The following PAMR1 variants were observed in gnomAD, a reference collection of about 807,000 sequenced individuals.
The protein encoded by PAMR1 is inactive serine protease PAMR1.
A neutral mutation model predicts 81.8 loss-of-function variants in PAMR1; 88 were observed. The observed-to-expected ratio is 1.08, with a 90% CI of 0.91 to 1.28. The LOEUF is 1.28. Ranked by LOEUF, PAMR1 falls within the 50% of genes most tolerant of loss-of-function variation. The probability of loss-of-function intolerance (pLI) is 0.00; values close to 1 mark genes in which losing one functional copy is unlikely to be tolerated. For missense variants in PAMR1, 935 were observed against 919.7 expected, an observed-to-expected ratio of 1.02 and a Z score of -0.21; for synonymous variants, 336 against 345.3, an observed-to-expected ratio of 0.97 and a Z score of 0.30.
intron 3 of PAMR1, among the ~76,000 whole-genome samples, chr11:35,478,296 A>AGATGCCC (rs1850318910): frequency 6.6e-6 from 1 of 152,154 alleles, no homozygotes; most frequent in Non-Finnish European, 1.5e-5. Context: ...ATCCTCACCC[A>AGATGCCC]GATGCCCGAT....
At chr11:35,503,595 G>A (rs1850895674) in intron 1 of PAMR1, among the ~76,000 whole-genome samples, 1 of 151,842 alleles carries the variant, frequency 6.6e-6, no homozygotes, top group Admixed American at 6.6e-5. Flanking sequence ...TCATTGCTCT[G>A]GTTAAATTGA....
At chr11:35,454,771 T>C (rs948519712) in intron 6 of PAMR1, among the ~76,000 whole-genome samples, 3 of 152,204 alleles carry the variant, frequency 2.0e-5, no homozygotes, top group East Asian at 1.9e-4. Context: ...GGGAGTATGA[T>C]TGGCCAAGCA....
intron 1 of PAMR1, among the ~76,000 whole-genome samples, chr11:35,498,880 C>A (rs557765548): frequency 1.3e-5 from 2 of 152,308 alleles, no homozygotes; most frequent in South Asian, 4.2e-4. Context: ...CGATCCCATC[C>A]GTGGTTATTT....
upstream of PAMR1, among the ~76,000 whole-genome samples, chr11:35,526,557 T>C (rs756725720): frequency 2.0e-5 from 3 of 152,200 alleles, no homozygotes; most frequent in Admixed American, 6.5e-5. Flanking sequence ...TTCCTCACAA[T>C]AAACCTAGCC....
intron 1 of PAMR1, among the ~76,000 whole-genome samples, chr11:35,501,558 AATT>A (rs965104758): frequency 5.4e-5 from 8 of 148,656 alleles, no homozygotes; most frequent in East Asian, 2.2e-4. Flanking sequence ...TTTTTAATTT[AATT>A]ATTATTATTT....
intron 6 of PAMR1, among the ~76,000 whole-genome samples, chr11:35,457,610 T>C (rs924612717): frequency 6.6e-6 from 1 of 152,176 alleles, no homozygotes; most frequent in Non-Finnish European, 1.5e-5. Context: ...AACACCTTCA[T>C]GAGGTGTCTT....
At chr11:35,529,564 G>C (rs544532370), upstream of PAMR1, among the ~76,000 whole-genome samples, 1 of 152,238 alleles carries the variant, frequency 6.6e-6, no homozygotes, top group Non-Finnish European at 1.5e-5. Context: ...CACATATGAT[G>C]GCCTTGGTTT....
Position 35,441,667 on chromosome 11 carries a change from G to T in PAMR1, c.847C>A (p.Pro283Thr), listed in dbSNP as rs779555385. 1.9e-6 allele frequency: 3 copies of T among 1,612,216 alleles called. No homozygotes were observed. The highest frequency in any genetic ancestry group is 1.7e-5 in the Admixed American group (1 of 59,742). Reference protein sequence around the residue: ...NLLEERNCSDPGGPVNGYQKI... With the variant: ...NLLEERNCSDTGGPVNGYQKI... ...TGGTACCCATTGACTGGGCCCCCAGGGTCTGAGCAGTTTCTTTCTTCAAGG... is the reference window on the plus strand; with the variant it reads ...TGGTACCCATTGACTGGGCCCCCAGTGTCTGAGCAGTTTCTTTCTTCAAGG... Residue 283 changes from proline (P) to threonine (T), a missense_variant, in exon 7 of 11, where the codon CCT (proline) becomes ACT (threonine). Transcript: ENST00000619888.
intron 3 of PAMR1, among the ~76,000 whole-genome samples, chr11:35,484,407 C>G (rs12295628): frequency 6.6e-6 from 1 of 152,194 alleles, no homozygotes; most frequent in African/African-American, 2.4e-5. Context: ...AAGTCTGGAG[C>G]GAGATGAGGC....
intron 6 of PAMR1, among the ~76,000 whole-genome samples, chr11:35,457,916 G>A (rs992828848): frequency 1.2e-4 from 19 of 152,086 alleles, no homozygotes; most frequent in Admixed American, 2.0e-4. Flanking sequence ...ATTTGTTGAA[G>A]GATGATGAGA....
chr11:35,483,109 A>G (rs1850431598), intron 3 of PAMR1, among the ~76,000 whole-genome samples: 1 of 152,158 alleles, frequency 6.6e-6, no homozygotes, highest in Admixed American at 6.5e-5. Context: ...CCTCTCCTCT[A>G]TTAGGCTGGT....
In PAMR1 at chr11:35,439,694, C is replaced by G; in HGVS notation, c.1034-1G>C. The G allele has an allele frequency of 2.5e-6, 4 of 1,612,780 alleles. No homozygotes were observed. Among genetic ancestry groups the G allele is most frequent in the Non-Finnish European group, 3.4e-6 (4 of 1,178,822 alleles). On this transcript the variant is annotated splice_acceptor_variant, in intron 7 of 10. Coordinates refer to ENST00000619888, the MANE Select transcript of PAMR1 (RefSeq NM_001001991.3). LOFTEE classifies it high-confidence loss of function. The stretch of plus-strand genomic sequence containing the variant: ...TCTGAAATCTTTGGTTCTCGGCAGG[C>G]TAGAAATAAAAAAGACAATGCTGCA...
At position 35,432,153 on chromosome 11, in the gene PAMR1, G is replaced by A. The variant is rs1158728621; in HGVS notation, c.*203C>T. ...TGCAAGCCCTGGCATCTTCCAATTG[G>A]CTGTCCTAGTAGTGGACGCGGCATC... On this transcript the variant is annotated 3_prime_UTR_variant, in exon 11 of 11. Coordinates refer to ENST00000619888, the MANE Select transcript of PAMR1 (RefSeq NM_001001991.3). 2.8e-5 allele frequency: 16 copies of A among 578,410 alleles called. No individual in the cohort carries two copies. 35.8% of individuals were successfully genotyped at this position (578,410 alleles called of 1,614,324 possible). A position where few individuals can be genotyped will look rare whatever the true frequency, so the allele number is the denominator to read the frequency against.
chr11:35,517,717 C>T (rs1156501811), intron 1 of PAMR1, among the ~76,000 whole-genome samples: 4 of 152,220 alleles, frequency 2.6e-5, no homozygotes, highest in African/African-American at 7.2e-5. Flanking sequence ...TTTCCTGAAA[C>T]CCATTTTGGG....
rs1308795355 is a variant in PAMR1 at position 35,432,194 on chromosome 11, G to C, written c.*162C>G. ...ACGCGGCATCAGCCTACCAGCAATG[G>C]AGGTCTACTCACCCTTCACTGAGTT... is the stretch of plus-strand genomic sequence containing the variant. On this transcript the variant is annotated 3_prime_UTR_variant, in exon 11 of 11. Transcript: ENST00000619888. 3 of 633,658 alleles carry C rather than the reference G, an allele frequency of 4.7e-6. No homozygotes were observed. Among genetic ancestry groups the C allele is most frequent in the Non-Finnish European group, 8.2e-6 (3 of 364,652 alleles). 39.3% of individuals were successfully genotyped at this position (633,658 alleles called of 1,614,324 possible). A position where few individuals can be genotyped will look rare whatever the true frequency, so the allele number is the denominator to read the frequency against.
chr11:35,508,205 G>A (rs1851007741), intron 1 of PAMR1, among the ~76,000 whole-genome samples: 1 of 152,136 alleles, frequency 6.6e-6, no homozygotes, highest in African/African-American at 2.4e-5. Context: ...CCAAGATGGT[G>A]GGGAAGCTGG....
chr11:35,439,863 C>A (rs1261859118), intron 7 of PAMR1, among the ~76,000 whole-genome samples, 170 bp from the exon 8 acceptor site: 1 of 152,188 alleles, frequency 6.6e-6, no homozygotes, highest in African/African-American at 2.4e-5. Context: ...TACAAAAGAG[C>A]TTGGTGCATT....
At chr11:35,509,658 A>G (rs973612981) in intron 1 of PAMR1, among the ~76,000 whole-genome samples, 1 of 152,232 alleles carries the variant, frequency 6.6e-6, no homozygotes, top group Non-Finnish European at 1.5e-5. Flanking sequence ...ACCAGTGAAG[A>G]AAAGGGTGAA....
At chr11:35,507,757 A>G (rs1039388536) in intron 1 of PAMR1, among the ~76,000 whole-genome samples, 1 of 143,518 alleles carries the variant, frequency 7.0e-6, no homozygotes, top group African/African-American at 2.6e-5. Flanking sequence ...TTTACTGGGT[A>G]TGTTTGCTTA....
Sources: allele counts gnomAD v4.1 joint callset (sites outside exome capture counted in the v4.1 genomes callset), GRCh38; gene constraint gnomAD v4.1.1; transcripts MANE v1.5; gene names NCBI Gene and HGNC (gene_info 2026-07-23, HGNC 2026-07-21).